ROCK2: variants seen among roughly 807,000 people sequenced by gnomAD.
ROCK2 encodes rho-associated protein kinase 2.
ROCK2 carries 61 observed loss-of-function variants against 195.1 expected under a neutral mutation model. That is an observed-to-expected ratio of 0.31 (90% CI 0.25 to 0.39). The LOEUF (loss-of-function observed/expected upper bound fraction) is 0.39, where lower values mean the gene tolerates loss of function less well. ROCK2 is among the 10% of genes least tolerant of loss of function. The pLI is 1.00. For synonymous variants in ROCK2, 504 were observed against 545.5 expected, an observed-to-expected ratio of 0.92 and a Z score of 1.06; for missense variants, 1,109 against 1,637.4, an observed-to-expected ratio of 0.68 and a Z score of 5.57.
At chr2:11,214,520 T>C (rs1012796949) in intron 16 of ROCK2, 57 bp from the exon 17 acceptor site, 8 of 1,018,380 alleles carry the variant, frequency 7.9e-6, no homozygotes, top group South Asian at 1.4e-5. Context: ...TACATTCAAT[T>C]AGGAATAAAA....
In ROCK2 at chr2:11,181,194, ATAT is replaced by A. The variant is rs1024520853; in HGVS notation, c.*2240_*2242del. 11 of 135,164 alleles carry A rather than the reference ATAT, an allele frequency of 8.1e-5. No homozygotes were observed. The highest frequency in any genetic ancestry group is 2.5e-4 in the African/African-American group (10 of 40,136). 8.4% of individuals were successfully genotyped at this position (135,164 alleles called of 1,614,324 possible). A position where few individuals can be genotyped will look rare whatever the true frequency, so the allele number is the denominator to read the frequency against. On this transcript the variant is annotated 3_prime_UTR_variant, in exon 33 of 33. Coordinates refer to ENST00000315872, the MANE Select transcript of ROCK2 (RefSeq NM_004850.5). ...AAGTTTATTAAAAATATATATATAT[ATAT>A]ATATATATATATACTCTCCAATTCA...
chr2:11,328,898 C>G (rs1443705630), intron 1 of ROCK2, among the ~76,000 whole-genome samples: 31 of 137,548 alleles, frequency 2.3e-4, no homozygotes, highest in Admixed American at 3.0e-4. Flanking sequence ...AGGGGAACAT[C>G]ACACTCTGGG....
intron 9 of ROCK2, among the ~76,000 whole-genome samples, chr2:11,220,828 T>TAG (rs1205948982): frequency 6.6e-6 from 1 of 152,196 alleles, no homozygotes; most frequent in Admixed American, 6.5e-5. Flanking sequence ...AGAGATGACT[T>TAG]CTATTTTTCT....
chr2:11,218,926 T>A, intron 10 of ROCK2, 40 bp downstream of exon 10: 1 of 1,193,954 alleles, frequency 8.4e-7, no homozygotes, highest in Non-Finnish European at 1.2e-6. Flanking sequence ...TATTTAAACA[T>A]GAAACTAAAA....
At position 11,193,864 on chromosome 2, in the gene ROCK2, A is replaced by G. The variant is rs181124141; in HGVS notation, c.3609-7T>C. On this transcript the variant is annotated splice_polypyrimidine_tract_variant and splice_region_variant and intron_variant, in intron 29 of 32. Coordinates refer to ENST00000315872, the MANE Select transcript of ROCK2 (RefSeq NM_004850.5). ...TCGGACATGAAATAACTTGCTATAAAAAATTTTGAATAAAGGAATAAAATA... is the reference window on the plus strand; with the variant it reads ...TCGGACATGAAATAACTTGCTATAAGAAATTTTGAATAAAGGAATAAAATA... 1.2e-5 allele frequency: 19 copies of G among 1,546,704 alleles called. No individual in the cohort carries two copies. In the Admixed American group the frequency reaches 1.7e-4, roughly 14 times the overall value.
At chr2:11,214,561 G>T (rs1664360390) in intron 16 of ROCK2, 98 bp from the exon 17 acceptor site, 2 of 740,556 alleles carry the variant, frequency 2.7e-6, no homozygotes, top group East Asian at 2.6e-5. Flanking sequence ...TTTTGGAGCT[G>T]TTGTTTGTGA....
chr2:11,295,977 AG>A (rs1667504298), intron 1 of ROCK2, among the ~76,000 whole-genome samples: 1 of 75,854 alleles, frequency 1.3e-5, no homozygotes, highest in African/African-American at 4.1e-5. Context: ...AGAGAGAGAG[AG>A]AGAGAGAGAG....
At chr2:11,255,418 T>C (rs879629848) in intron 3 of ROCK2, among the ~76,000 whole-genome samples, 6 of 150,380 alleles carry the variant, frequency 4.0e-5, no homozygotes, top group Non-Finnish European at 8.8e-5. Context: ...CAGTATATAA[T>C]TTAAAAATTA....
At chr2:11,302,286 T>C (rs1232031583) in intron 1 of ROCK2, among the ~76,000 whole-genome samples, 1 of 151,916 alleles carries the variant, frequency 6.6e-6, no homozygotes, top group Non-Finnish European at 1.5e-5. Flanking sequence ...CTTCTTAATA[T>C]TCAAATTTGT....
intron 3 of ROCK2, among the ~76,000 whole-genome samples, chr2:11,274,691 T>C (rs548433312): frequency 6.6e-6 from 1 of 152,276 alleles, no homozygotes; most frequent in African/African-American, 2.4e-5. Context: ...AATATTTCAA[T>C]AACATCAATC....
chr2:11,284,521 T>C (rs1017080844), intron 3 of ROCK2, among the ~76,000 whole-genome samples: 2 of 152,156 alleles, frequency 1.3e-5, no homozygotes, highest in Non-Finnish European at 2.9e-5. Flanking sequence ...TCTCTATACC[T>C]TCCTCTCGAT....
intron 1 of ROCK2, chr2:11,308,419 A>T: frequency 6.2e-7 from 1 of 1,604,772 alleles, no homozygotes. Context: ...AATCTGAAGA[A>T]GATGAAGAAG....
chr2:11,305,444 T>TAAACACAC (rs376674709), intron 1 of ROCK2, among the ~76,000 whole-genome samples: 2 of 150,364 alleles, frequency 1.3e-5, no homozygotes, highest in Non-Finnish European at 3.0e-5. Context: ...TGTGTGGGTG[T>TAAACACAC]ACACACACAC....
chr2:11,184,091 A>G (rs1663104624), intron 32 of ROCK2, among the ~76,000 whole-genome samples: 1 of 152,196 alleles, frequency 6.6e-6, no homozygotes, highest in Non-Finnish European at 1.5e-5. Flanking sequence ...TACATTTTCT[A>G]AAAGCACAAT....
At chr2:11,218,411 G>A (rs763995113) in intron 11 of ROCK2, 44 bp downstream of exon 11, 1 of 1,514,686 alleles carries the variant, frequency 6.6e-7, no homozygotes, top group Non-Finnish European at 9.0e-7. Context: ...CGAGAGTGAT[G>A]AGCTTTTCTC....
intron 4 of ROCK2, among the ~76,000 whole-genome samples, chr2:11,247,753 C>T (rs1218994283): frequency 6.6e-6 from 1 of 152,224 alleles, no homozygotes; most frequent in Non-Finnish European, 1.5e-5. Context: ...GGCGCAGAGG[C>T]TCATGCCTGT....
intron 3 of ROCK2, among the ~76,000 whole-genome samples, chr2:11,256,627 G>T (rs959240408): frequency 2.7e-5 from 4 of 150,652 alleles, no homozygotes; most frequent in East Asian, 1.9e-4. Flanking sequence ...GAGTTCAAAT[G>T]AGTTGAAAAC....
At chr2:11,312,310 T>G (rs77534988) in intron 1 of ROCK2, among the ~76,000 whole-genome samples, 1,686 of 152,246 alleles carry the variant, frequency 0.011, 86 homozygotes, top group Admixed American at 0.091. Flanking sequence ...AGCACACATT[T>G]AAAGTGTACA....
At chr2:11,230,274 G>A (rs1664957314) in intron 5 of ROCK2, among the ~76,000 whole-genome samples, 1 of 152,046 alleles carries the variant, frequency 6.6e-6, no homozygotes, top group African/African-American at 2.4e-5. Context: ...GACAAGTCTT[G>A]AACATTGTAT....
Sources: gnomAD v4.1 joint callset for allele counts (sites outside exome capture counted in the v4.1 genomes callset) on GRCh38, gnomAD v4.1.1 for gene constraint, MANE v1.5 for transcripts, NCBI Gene and HGNC (gene_info 2026-07-23, HGNC 2026-07-21) for gene names.